CACNA1D: variants seen among roughly 807,000 people sequenced by gnomAD.
CACNA1D encodes voltage-dependent L-type calcium channel subunit alpha-1D.
CACNA1D carries 55 observed loss-of-function variants against 257.1 expected under a neutral mutation model. The ratio of observed to expected loss-of-function variants is 0.21; its 90% CI spans 0.17 to 0.27. The LOEUF is 0.27. Among genes scored for constraint, CACNA1D ranks in the 10% least tolerant of loss-of-function variants. The pLI is 1.00. For synonymous variants in CACNA1D, 980 were observed against 1,014.9 expected (o/e 0.97, Z 0.65); for missense variants, 1,876 against 2,784.0 (o/e 0.67, Z 7.34).
At chr3:53,790,458 G>A (rs1469424026) in intron 40 of CACNA1D, among the ~76,000 whole-genome samples, 2 of 152,228 alleles carry the variant, frequency 1.3e-5, no homozygotes, top group East Asian at 1.9e-4. Flanking sequence ...GGTGGAATCC[G>A]AGGACACTAT....
At chr3:53,573,740 A>C (rs932165339) in intron 3 of CACNA1D, among the ~76,000 whole-genome samples, 1 of 152,168 alleles carries the variant, frequency 6.6e-6, no homozygotes, top group African/African-American at 2.4e-5. Context: ...CAGGCACTCT[A>C]TACATGGTTG....
At chr3:53,562,365 C>A (rs183335120) in intron 3 of CACNA1D, among the ~76,000 whole-genome samples, 2 of 152,312 alleles carry the variant, frequency 1.3e-5, no homozygotes, top group African/African-American at 4.8e-5. Context: ...GTTCAGAGAA[C>A]TCTACAGATA....
At chr3:53,740,542 G>A (rs1300138110) in intron 21 of CACNA1D, 5 of 526,418 alleles carry the variant, frequency 9.5e-6, no homozygotes, top group South Asian at 2.5e-5. Context: ...GGAAAGAAGC[G>A]TGGAGTGCTT....
chr3:53,628,221 T>A (rs2093782138), intron 3 of CACNA1D, among the ~76,000 whole-genome samples: 1 of 152,160 alleles, frequency 6.6e-6, no homozygotes, highest in Admixed American at 6.5e-5. Flanking sequence ...GCAGACCCTG[T>A]GCCTTTTATT....
rs1559721675 is a variant in CACNA1D at position 53,805,724 on chromosome 3, C to CCATCTTCCCTCCTCCTCCCT, written c.5749+610_5749+629dup. 4.6e-3 allele frequency among the ~76,000 whole-genome samples: 639 copies of CCATCTTCCCTCCTCCTCCCT among 139,748 alleles called. 11 individuals carry two copies. The highest frequency in any genetic ancestry group is 0.016 in the African/African-American group (593 of 36,138). The allele number at this position is 139,748 out of a possible 152,430, so 91.7% of individuals were successfully genotyped here. ...CTCCCTCATCTTCCCTCCTCCTCCT[C>CCATCTTCCCTCCTCCTCCCT]CATCTTCCCTCCTCCTCCCTCATCT... On this transcript the variant is annotated intron_variant, in intron 45 of 47. Transcript: ENST00000350061.
At chr3:53,666,622 GA>G in intron 7 of CACNA1D, 87 bp downstream of exon 7, 3 of 1,082,718 alleles carry the variant, frequency 2.8e-6, no homozygotes, top group Non-Finnish European at 2.9e-6. Context: ...GAGGTGGCTG[GA>G]AAAGAAACCC....
intron 3 of CACNA1D, among the ~76,000 whole-genome samples, chr3:53,650,145 C>T (rs541697137): frequency 1.5e-4 from 23 of 152,218 alleles, no homozygotes; most frequent in Non-Finnish European, 2.8e-4. Flanking sequence ...CCGGGAGAGG[C>T]GGCATGCCAA....
intron 3 of CACNA1D, among the ~76,000 whole-genome samples, 178 bp from the exon 4 acceptor site, chr3:53,650,601 T>C (rs2094079990): frequency 6.6e-6 from 1 of 152,248 alleles, no homozygotes. Context: ...AGTGTTAGAA[T>C]GTAAATGCCT....
intron 8 of CACNA1D, among the ~76,000 whole-genome samples, chr3:53,677,717 G>T (rs2094390368): frequency 6.6e-6 from 1 of 152,220 alleles, no homozygotes; most frequent in Non-Finnish European, 1.5e-5. Context: ...CTAAGTCATT[G>T]TTATTATATA....
At chr3:53,662,445 C>T (rs1312108669) in intron 5 of CACNA1D, among the ~76,000 whole-genome samples, 4 of 152,190 alleles carry the variant, frequency 2.6e-5, no homozygotes, top group Non-Finnish European at 4.4e-5. Flanking sequence ...CCTTCTCTTT[C>T]CCTGTCCTTC....
chr3:53,515,388 C>T (rs535466778), intron 3 of CACNA1D, among the ~76,000 whole-genome samples: 3 of 152,266 alleles, frequency 2.0e-5, no homozygotes, highest in African/African-American at 4.8e-5. Flanking sequence ...GATTTGGAGT[C>T]GTGAAAACAA....
chr3:53,625,940 T>C (rs1317241759), intron 3 of CACNA1D, among the ~76,000 whole-genome samples: 1 of 152,068 alleles, frequency 6.6e-6, no homozygotes, highest in African/African-American at 2.4e-5. Flanking sequence ...AGGAGGAGTG[T>C]GTGTGGGGTG....
intron 40 of CACNA1D, among the ~76,000 whole-genome samples, chr3:53,788,011 CT>C (rs2095464894): frequency 1.3e-5 from 2 of 152,110 alleles, no homozygotes; most frequent in African/African-American, 2.4e-5. Context: ...TGGAAGAGTC[CT>C]TCACTCTTAT....
Position 53,787,138 on chromosome 3 carries a change from C to T in CACNA1D, c.4923+186C>T, listed in dbSNP as rs533390278. On this transcript the variant is annotated intron_variant, in intron 40 of 47. Transcript: ENST00000350061. ...GCCACAAGGTAAGTGCTTCCCTCCC[C>T]GATGCCTACCCCATAGAGCCCTGCA... Among the ~76,000 whole-genome samples the T allele has an allele frequency of 5.3e-5, 8 of 152,256 alleles. No homozygotes were observed. In the South Asian group the frequency reaches 1.0e-3, roughly 20 times the overall value.
In CACNA1D at chr3:53,672,758, CTGTG is replaced by C. The variant is rs57956658; in HGVS notation, c.1117-207_1117-204del. The stretch of plus-strand genomic sequence containing the variant: ...ATTCGGCCTGAAAGCCTTGATGACT[CTGTG>C]TGTGTGTGTGTGTGTGTGTGTGTGT... On this transcript the variant is annotated intron_variant, in intron 7 of 47. Coordinates refer to ENST00000350061, the MANE Select transcript of CACNA1D (RefSeq NM_001128840.3). 0.077 allele frequency among the ~76,000 whole-genome samples: 7,327 copies of C among 94,754 alleles called. 304 individuals are homozygous for C. The highest frequency in any genetic ancestry group is 0.1 in the Middle Eastern group (18 of 176). The allele number at this position is 94,754 out of a possible 152,430, so 62.2% of individuals were successfully genotyped here. A position where few individuals can be genotyped will look rare whatever the true frequency, so the allele number is the denominator to read the frequency against.
chr3:53,629,041 T>G (rs1336415658), intron 3 of CACNA1D, among the ~76,000 whole-genome samples: 2 of 152,188 alleles, frequency 1.3e-5, no homozygotes, highest in African/African-American at 4.8e-5. Context: ...ATAGTAAATA[T>G]TCTAGGCTTT....
At position 53,786,820 on chromosome 3, in the gene CACNA1D, AGAT is replaced by A; in HGVS notation, c.4797_4799del (p.Asp1599del). 5.3e-6 allele frequency: 8 copies of A among 1,497,154 alleles called. No homozygotes were observed. Among genetic ancestry groups the A allele is most frequent in the Non-Finnish European group, 7.2e-6 (8 of 1,107,866 alleles). The allele number at this position is 1,497,154 out of a possible 1,614,324, so 92.7% of individuals were successfully genotyped here. The stretch of plus-strand genomic sequence containing the variant: ...AGAGCTCTGTCTGGTCTCTCCGTTT[AGAT>A]GATGAGGTAACCGTGGGGAAGTTCT... On this transcript the variant is annotated splice_acceptor_variant and coding_sequence_variant, in exon 40 of 48. Coordinates refer to ENST00000350061, the MANE Select transcript of CACNA1D (RefSeq NM_001128840.3). LOFTEE classifies it high-confidence loss of function.
chr3:53,737,881 G>A (rs1178088444), intron 20 of CACNA1D, among the ~76,000 whole-genome samples: 2 of 152,222 alleles, frequency 1.3e-5, no homozygotes, highest in Non-Finnish European at 2.9e-5. Flanking sequence ...AGTTAGTTTT[G>A]TAACTTAGAG....
chr3:53,737,348 A>C (rs1306107353), intron 20 of CACNA1D, among the ~76,000 whole-genome samples: 1 of 152,236 alleles, frequency 6.6e-6, no homozygotes, highest in Non-Finnish European at 1.5e-5. Flanking sequence ...TTCCTAAATA[A>C]TTTACATGGC....
Sources: allele counts gnomAD v4.1 joint callset (sites outside exome capture counted in the v4.1 genomes callset), GRCh38; gene constraint gnomAD v4.1.1; transcripts MANE v1.5; gene names NCBI Gene and HGNC (gene_info 2026-07-23, HGNC 2026-07-21).